The following ARFGAP3 variants were observed in gnomAD, a reference collection of about 807,000 sequenced individuals.
The protein encoded by ARFGAP3 is ARF GTPase activating protein 3.
Under a neutral mutation model 75.0 loss-of-function variants are expected in ARFGAP3, and 72 were observed. That is an observed-to-expected ratio of 0.96 (90% CI 0.79 to 1.17). ARFGAP3 has a LOEUF of 1.17. Ranked by LOEUF, ARFGAP3 falls within the 50% of genes most tolerant of loss-of-function variation. The pLI is 0.00. For synonymous variants in ARFGAP3, 221 were observed against 217.9 expected (o/e 1.01, Z -0.13); for missense variants, 620 against 626.6 (o/e 0.99, Z 0.11).
intron 3 of ARFGAP3, among the ~76,000 whole-genome samples, chr22:42,838,697 C>T (rs1400512105): frequency 6.6e-6 from 1 of 152,122 alleles, no homozygotes; most frequent in Non-Finnish European, 1.5e-5. Context: ...CCATTTTGGC[C>T]TGATAAATAG....
At chr22:42,797,900 G>C (rs1924676429) in intron 15 of ARFGAP3, among the ~76,000 whole-genome samples, 2 of 152,178 alleles carry the variant, frequency 1.3e-5, no homozygotes, top group South Asian at 4.1e-4. Flanking sequence ...TGCTCAGTGG[G>C]CCAGAGGCAA....
intron 9 of ARFGAP3, among the ~76,000 whole-genome samples, chr22:42,820,544 G>A (rs4820486): frequency 0.28 from 42,335 of 152,038 alleles, 6,267 homozygotes; most frequent in Non-Finnish European, 0.33. Context: ...GCACTTCAAT[G>A]AGCATTTAAG....
In ARFGAP3 at chr22:42,854,414, C is replaced by T. The variant is rs964486470; in HGVS notation, c.69+2700G>A. Among the ~76,000 whole-genome samples, 5 of 152,254 alleles carry T rather than the reference C, an allele frequency of 3.3e-5. No individual in the cohort carries two copies. The South Asian group carries it at 1.0e-3, about 32-fold the overall frequency. On this transcript the variant is annotated intron_variant, in intron 1 of 15. Transcript: ENST00000263245. ...CTGAGACAGGCGGATCACTTTAGGT[C>T]AGGAGTTTGAGACCAGCCTGGCCAA... is the stretch of plus-strand genomic sequence containing the variant.
At chr22:42,833,809 G>A (rs8141049) in intron 5 of ARFGAP3, among the ~76,000 whole-genome samples, 4,369 of 152,306 alleles carry the variant, frequency 0.029, 78 homozygotes, top group African/African-American at 0.04. Flanking sequence ...CCAGCTACTC[G>A]GGAGGCTGAG....
At chr22:42,846,714 G>GT (rs1927036117) in intron 2 of ARFGAP3, among the ~76,000 whole-genome samples, 1 of 152,250 alleles carries the variant, frequency 6.6e-6, no homozygotes, top group African/African-American at 2.4e-5. Flanking sequence ...TACAAGGAGA[G>GT]TGTCTCATCA....
intron 7 of ARFGAP3, among the ~76,000 whole-genome samples, chr22:42,824,902 C>T (rs1925972377): frequency 1.3e-5 from 2 of 152,130 alleles, no homozygotes; most frequent in Non-Finnish European, 2.9e-5. Flanking sequence ...TTCGTATGAA[C>T]CCAAGATTTA....
chr22:42,827,688 C>A (rs1181945135), intron 6 of ARFGAP3, among the ~76,000 whole-genome samples: 10 of 151,926 alleles, frequency 6.6e-5, no homozygotes. Context: ...ATTCTAATAC[C>A]AATTACATCA....
At chr22:42,813,691 C>T (rs2146537487) in intron 11 of ARFGAP3, among the ~76,000 whole-genome samples, 1 of 152,278 alleles carries the variant, frequency 6.6e-6, no homozygotes, top group African/African-American at 2.4e-5. Flanking sequence ...GAGAGGCTCT[C>T]TGTGCTCATG....
intron 6 of ARFGAP3, among the ~76,000 whole-genome samples, chr22:42,828,739 T>C (rs577949807): frequency 1.4e-5 from 2 of 140,262 alleles, no homozygotes; most frequent in Admixed American, 1.5e-4. Flanking sequence ...AGGCGGAGTG[T>C]AGTGGTGCGA....
chr22:42,831,920 T>C (rs1269596469), intron 5 of ARFGAP3, among the ~76,000 whole-genome samples: 1 of 152,088 alleles, frequency 6.6e-6, no homozygotes, highest in Non-Finnish European at 1.5e-5. Flanking sequence ...GTAGCTGAGA[T>C]TGCAGGCATG....
rs11913904 is a variant in ARFGAP3 at position 42,805,274 on chromosome 22, T to G, written c.1411+1799A>C. ...AAACACAGGCTGCCACTATTTTTGT[T>G]CAGTAACTGGAAAGGCTGCTCTCAT... On this transcript the variant is annotated intron_variant, in intron 14 of 15. Transcript: ENST00000263245. Among the ~76,000 whole-genome samples the G allele has an allele frequency of 8.4e-3, 1,285 of 152,310 alleles. 17 individuals are homozygous for G. The highest frequency in any genetic ancestry group is 0.03 in the African/African-American group (1,243 of 41,560).
intron 1 of ARFGAP3, among the ~76,000 whole-genome samples, chr22:42,849,490 T>A (rs1401838919): frequency 6.7e-6 from 1 of 148,800 alleles, no homozygotes; most frequent in Non-Finnish European, 1.5e-5. Context: ...CTTTTTTTTT[T>A]AAGGAGACAA....
rs1483122182 is a variant in ARFGAP3 at position 42,822,307 on chromosome 22, C to T, written c.775G>A (p.Glu259Lys). 3 of 1,613,994 alleles carry T rather than the reference C, an allele frequency of 1.9e-6. No homozygotes were observed. The highest frequency in any genetic ancestry group is 1.3e-5 in the African/African-American group (1 of 74,894). The change falls in exon 9 of 16, where the codon GAA becomes AAA. Residue 259 changes from glutamate to lysine, a missense_variant. By Grantham distance (56) the Glu-to-Lys change is moderately conservative. Coordinates refer to ENST00000263245, the MANE Select transcript of ARFGAP3 (RefSeq NM_014570.5). ...TTAGATACCACCTTGGCCAGGTCTTCCTGCTCCTTCATTTTATCCGCAGCT... is the reference window on the plus strand; with the variant it reads ...TTAGATACCACCTTGGCCAGGTCTTTCTGCTCCTTCATTTTATCCGCAGCT... ...AQAADKMKEQ[E>K]DLAKVVSKEE...
rs111653734 is a variant in ARFGAP3, at chr22:42,807,801, C to CTT, written c.1321-640_1321-639dup. On this transcript the variant is annotated intron_variant, in intron 13 of 15. Transcript: ENST00000263245. ...ATGATGAGTTCATTAACATTTCTTT[C>CTT]TTTTTTTTTTTTTTGAGACAGAGTC... 2.1e-4 allele frequency among the ~76,000 whole-genome samples: 30 copies of CTT among 143,474 alleles called. 1 individual carries two copies. Among genetic ancestry groups the CTT allele is most frequent in the Middle Eastern group, 3.6e-3 (1 of 280 alleles). 94.1% of individuals were successfully genotyped at this position (143,474 alleles called of 152,430 possible). A position where few individuals can be genotyped will look rare whatever the true frequency, so the allele number is the denominator to read the frequency against.
chr22:42,841,695 G>C (rs1926788018), intron 2 of ARFGAP3, among the ~76,000 whole-genome samples: 1 of 152,036 alleles, frequency 6.6e-6, no homozygotes. Context: ...AAAAAGCAGA[G>C]GTTGTTATTC....
At chr22:42,836,389 G>A (rs949207021) in intron 3 of ARFGAP3, among the ~76,000 whole-genome samples, 3 of 152,038 alleles carry the variant, frequency 2.0e-5, no homozygotes, top group African/African-American at 7.2e-5. Context: ...TCCTCTCACC[G>A]TGGCTTCCCA....
chr22:42,842,602 C>A (rs1366578734), intron 2 of ARFGAP3, among the ~76,000 whole-genome samples: 1 of 151,898 alleles, frequency 6.6e-6, no homozygotes, highest in African/African-American at 2.4e-5. Context: ...GCGTGCGGAA[C>A]CACACCTGGC....
At chr22:42,817,652 AAC>A in intron 10 of ARFGAP3, 75 bp downstream of exon 10, 1 of 1,225,930 alleles carries the variant, frequency 8.2e-7, no homozygotes, top group East Asian at 2.4e-5. Flanking sequence ...AGTTGAAACT[AAC>A]ACAGTCCAAG....
At chr22:42,801,735 A>G (rs1195917395) in intron 14 of ARFGAP3, among the ~76,000 whole-genome samples, 4 of 152,160 alleles carry the variant, frequency 2.6e-5, no homozygotes, top group Non-Finnish European at 1.5e-5. Flanking sequence ...ACACCTGCAG[A>G]GGGCTTCCTC....
Sources: gnomAD v4.1 joint callset for allele counts (sites outside exome capture counted in the v4.1 genomes callset) on GRCh38, gnomAD v4.1.1 for gene constraint, MANE v1.5 for transcripts, NCBI Gene and HGNC (gene_info 2026-07-23, HGNC 2026-07-21) for gene names.